UBE2E2: variants seen among roughly 807,000 people sequenced by gnomAD.
The protein encoded by UBE2E2 is ubiquitin-conjugating enzyme E2 E2.
A neutral mutation model predicts 24.7 loss-of-function variants in UBE2E2; 6 were observed. That is an observed-to-expected ratio of 0.24 (90% CI 0.13 to 0.48). The LOEUF (loss-of-function observed/expected upper bound fraction) is 0.48, where lower values mean the gene tolerates loss of function less well. Among genes scored for constraint, UBE2E2 ranks in the 20% least tolerant of loss-of-function variants. The probability of loss-of-function intolerance (pLI) is 0.99; values close to 1 mark genes in which losing one functional copy is unlikely to be tolerated. For missense variants in UBE2E2, 169 were observed against 245.0 expected, an observed-to-expected ratio of 0.69 and a Z score of 2.07; for synonymous variants, 104 against 83.6, an observed-to-expected ratio of 1.24 and a Z score of -1.33.
chr3:23,421,518 T>C (rs1335332685), intron 3 of UBE2E2, among the ~76,000 whole-genome samples: 3 of 152,342 alleles, frequency 2.0e-5, no homozygotes, highest in Middle Eastern at 3.4e-3. Flanking sequence ...ACAATTCTCC[T>C]GTCCCAGCCT....
intron 3 of UBE2E2, among the ~76,000 whole-genome samples, chr3:23,496,193 C>T (rs1211369061): frequency 6.6e-6 from 1 of 152,114 alleles, no homozygotes; most frequent in Non-Finnish European, 1.5e-5. Flanking sequence ...TCACATTGTA[C>T]ATATGCAGCA....
chr3:23,298,863 G>A (rs1698990405), intron 3 of UBE2E2, among the ~76,000 whole-genome samples: 1 of 152,176 alleles, frequency 6.6e-6, no homozygotes, highest in Admixed American at 6.5e-5. Flanking sequence ...AGAAGGAATG[G>A]TACTAGCTCG....
At chr3:23,574,669 A>G (rs1352294621) in intron 5 of UBE2E2, among the ~76,000 whole-genome samples, 2 of 152,150 alleles carry the variant, frequency 1.3e-5, no homozygotes, top group East Asian at 3.8e-4. Flanking sequence ...GTACACTATA[A>G]TCATGCCTGT....
At chr3:23,373,120 A>G (rs1226970716) in intron 3 of UBE2E2, among the ~76,000 whole-genome samples, 10 of 151,738 alleles carry the variant, frequency 6.6e-5, no homozygotes, top group African/African-American at 2.4e-4. Context: ...TTCCTCCTCA[A>G]CTCCCCATGG....
At chr3:23,338,446 A>T (rs764228462) in intron 3 of UBE2E2, among the ~76,000 whole-genome samples, 4 of 152,156 alleles carry the variant, frequency 2.6e-5, no homozygotes, top group Non-Finnish European at 5.9e-5. Context: ...GTGTATGTGT[A>T]CATGTATGCC....
At chr3:23,517,827 C>T (rs1483156943) in intron 4 of UBE2E2, among the ~76,000 whole-genome samples, 1 of 152,034 alleles carries the variant, frequency 6.6e-6, no homozygotes, top group Non-Finnish European at 1.5e-5. Context: ...AGACAATTTT[C>T]TACTAGATAG....
At chr3:23,296,620 C>G (rs1321887704) in intron 3 of UBE2E2, among the ~76,000 whole-genome samples, 1 of 152,124 alleles carries the variant, frequency 6.6e-6, no homozygotes, top group Non-Finnish European at 1.5e-5. Context: ...CATCCATGTC[C>G]CTGCAAAGGA....
At chr3:23,205,471 T>G (rs980621093) in intron 1 of UBE2E2, among the ~76,000 whole-genome samples, 3 of 152,204 alleles carry the variant, frequency 2.0e-5, no homozygotes, top group African/African-American at 7.2e-5. Flanking sequence ...CATAGACTAC[T>G]TTTTCTTCAT....
intron 3 of UBE2E2, among the ~76,000 whole-genome samples, chr3:23,316,463 T>C (rs751991814): frequency 6.6e-6 from 1 of 151,794 alleles, no homozygotes; most frequent in Non-Finnish European, 1.5e-5. Flanking sequence ...GCTCTTCACT[T>C]AGCTTGTGGT....
intron 5 of UBE2E2, among the ~76,000 whole-genome samples, chr3:23,555,061 G>A (rs1320896414): frequency 6.6e-6 from 1 of 151,910 alleles, no homozygotes; most frequent in Non-Finnish European, 1.5e-5. Flanking sequence ...TACTACAGGT[G>A]CCTGCCACCA....
intron 3 of UBE2E2, among the ~76,000 whole-genome samples, chr3:23,354,033 A>G (rs1255672297): frequency 6.6e-6 from 1 of 152,218 alleles, no homozygotes; most frequent in East Asian, 1.9e-4. Context: ...TGGTACCAAA[A>G]CAGAGATATA....
chr3:23,566,796 A>G (rs750520613), intron 5 of UBE2E2, among the ~76,000 whole-genome samples: 1 of 152,180 alleles, frequency 6.6e-6, no homozygotes, highest in South Asian at 2.1e-4. Flanking sequence ...TGAGGGTCAC[A>G]TGTCAGCAGA....
At chr3:23,551,112 A>G (rs949830367) in intron 5 of UBE2E2, among the ~76,000 whole-genome samples, 2 of 152,240 alleles carry the variant, frequency 1.3e-5, no homozygotes. Flanking sequence ...AAGGTACAAC[A>G]TTCTTTATGG....
chr3:23,356,858 A>G (rs1446860761), intron 3 of UBE2E2, among the ~76,000 whole-genome samples: 1 of 152,166 alleles, frequency 6.6e-6, no homozygotes, highest in Non-Finnish European at 1.5e-5. Flanking sequence ...TGTCTTCTGA[A>G]AAACTGGTCC....
At chr3:23,498,659 C>T (rs1488191145) in intron 3 of UBE2E2, among the ~76,000 whole-genome samples, 4 of 152,072 alleles carry the variant, frequency 2.6e-5, no homozygotes, top group Non-Finnish European at 5.9e-5. Context: ...CATAGCTTCC[C>T]TACAAGACCT....
intron 3 of UBE2E2, among the ~76,000 whole-genome samples, chr3:23,253,334 A>C (rs1043825401): frequency 6.6e-6 from 1 of 152,234 alleles, no homozygotes; most frequent in African/African-American, 2.4e-5. Flanking sequence ...ACCAGTAAAA[A>C]TACCCATGAT....
chr3:23,208,888 T>G lies in UBE2E2; in HGVS notation c.176+13T>G. On this transcript the variant is annotated intron_variant, in intron 2 of 5. Coordinates refer to ENST00000396703, the MANE Select transcript of UBE2E2 (RefSeq NM_152653.4). ...CTAGTGCTAAAAGGTACTTCAGTTATTATAACCTTTTTATTGTTGGTATCA... is the reference window on the plus strand; with the variant it reads ...CTAGTGCTAAAAGGTACTTCAGTTAGTATAACCTTTTTATTGTTGGTATCA... 2 of 1,590,872 alleles carry G rather than the reference T, an allele frequency of 1.3e-6. No individual in the cohort carries two copies. The highest frequency in any genetic ancestry group is 1.7e-6 in the Non-Finnish European group (2 of 1,168,194).
At chr3:23,276,834 A>G (rs1418006548) in intron 3 of UBE2E2, among the ~76,000 whole-genome samples, 1 of 151,236 alleles carries the variant, frequency 6.6e-6, no homozygotes, top group Non-Finnish European at 1.5e-5. Flanking sequence ...AGACTATTAT[A>G]TAAACAAAGA....
intron 5 of UBE2E2, among the ~76,000 whole-genome samples, chr3:23,542,186 G>T (rs2125492892): frequency 6.6e-6 from 1 of 152,250 alleles, no homozygotes; most frequent in East Asian, 1.9e-4. Flanking sequence ...TTATCTGAGG[G>T]ATGTGTATTT....
Sources: allele counts gnomAD v4.1 joint callset (sites outside exome capture counted in the v4.1 genomes callset), GRCh38; gene constraint gnomAD v4.1.1; transcripts MANE v1.5; gene names NCBI Gene and HGNC (gene_info 2026-07-23, HGNC 2026-07-21).